SAMD12: variants seen among roughly 807,000 people sequenced by gnomAD.
The protein encoded by SAMD12 is sterile alpha motif domain containing 12.
SAMD12 carries 9 observed loss-of-function variants against 15.0 expected under a neutral mutation model. That is an observed-to-expected ratio of 0.60 (90% CI 0.36 to 1.05). The LOEUF (loss-of-function observed/expected upper bound fraction) is 1.05, where lower values mean the gene tolerates loss of function less well. SAMD12 is among the 50% of genes least tolerant of loss of function. The pLI, the probability that SAMD12 is intolerant of heterozygous loss-of-function variation, is 0.01. For missense variants in SAMD12, 230 were observed against 234.2 expected (o/e 0.98, Z 0.12); for synonymous variants, 86 against 90.1 (o/e 0.96, Z 0.25).
At chr8:118,510,690 T>C (rs148938902) in intron 2 of SAMD12, among the ~76,000 whole-genome samples, 3 of 152,236 alleles carry the variant, frequency 2.0e-5, no homozygotes, top group East Asian at 3.9e-4. Flanking sequence ...TGGTCAGATT[T>C]AGGTATTACA....
At chr8:118,321,351 C>A (rs193231968) in intron 4 of SAMD12, among the ~76,000 whole-genome samples, 1 of 146,464 alleles carries the variant, frequency 6.8e-6, no homozygotes, top group South Asian at 2.2e-4. Flanking sequence ...CAGTAGCTCA[C>A]GCCTGTAATC....
At chr8:118,398,513 C>G (rs753656311) in intron 3 of SAMD12, among the ~76,000 whole-genome samples, 10 of 152,234 alleles carry the variant, frequency 6.6e-5, no homozygotes, top group Non-Finnish European at 1.0e-4. Flanking sequence ...CTTATCTTCT[C>G]CATCCCCTCT....
chr8:118,544,416 G>A (rs937957666), intron 2 of SAMD12, among the ~76,000 whole-genome samples: 1 of 152,082 alleles, frequency 6.6e-6, no homozygotes, highest in African/African-American at 2.4e-5. Flanking sequence ...TGTCTCTAGG[G>A]TTTCAGAGGT....
chr8:118,169,389 T>C, the SAMD12 span, among the ~76,000 whole-genome samples: 1 of 152,210 alleles, frequency 6.6e-6, no homozygotes, highest in Non-Finnish European at 1.5e-5. Context: ...TCTATTATTG[T>C]TTTACCAAGA....
intron 2 of SAMD12, among the ~76,000 whole-genome samples, chr8:118,528,243 G>T (rs1825584432): frequency 6.6e-6 from 1 of 152,102 alleles, no homozygotes; most frequent in African/African-American, 2.4e-5. Context: ...CGTTGGCCAG[G>T]CTGGTCTCTA....
chr8:118,552,311 T>A (rs1008670736), intron 2 of SAMD12, among the ~76,000 whole-genome samples: 50 of 152,118 alleles, frequency 3.3e-4, no homozygotes, highest in African/African-American at 1.1e-3. Context: ...CAGCAGCACA[T>A]CAAAAAGCTT....
chr8:118,263,204 G>A (rs1156528428), intron 4 of SAMD12, among the ~76,000 whole-genome samples: 5 of 152,020 alleles, frequency 3.3e-5, no homozygotes, highest in East Asian at 1.9e-4. Flanking sequence ...TTTAGGCGAC[G>A]GTTGGAAGAC....
At chr8:118,264,944 G>C (rs1227976899) in intron 4 of SAMD12, among the ~76,000 whole-genome samples, 1 of 152,132 alleles carries the variant, frequency 6.6e-6, no homozygotes, top group African/African-American at 2.4e-5. Flanking sequence ...CCTGCGAAGG[G>C]CAGGGCTCAG....
exon 5 of SAMD12, chr8:118,195,979 G>A (rs1156326329): frequency 6.6e-6 from 1 of 152,188 alleles, no homozygotes; most frequent in Non-Finnish European, 1.5e-5. Context: ...GGCAGTCCTG[G>A]TGCTGACCTG....
chr8:118,290,642 C>T (rs1414163594), intron 4 of SAMD12, among the ~76,000 whole-genome samples: 3 of 152,172 alleles, frequency 2.0e-5, no homozygotes, highest in African/African-American at 4.8e-5. Flanking sequence ...ATCCATTGCT[C>T]CCATTCAGGG....
chr8:118,367,917 A>G (rs1332648791), intron 4 of SAMD12, among the ~76,000 whole-genome samples: 1 of 152,188 alleles, frequency 6.6e-6, no homozygotes, highest in African/African-American at 2.4e-5. Context: ...GCCTTAAACA[A>G]AACTCCTTCT....
the SAMD12 span, among the ~76,000 whole-genome samples, chr8:118,150,985 AC>A: frequency 6.6e-6 from 1 of 152,144 alleles, no homozygotes. Flanking sequence ...TGGGGGGATC[AC>A]TTGAGCCCAG....
At chr8:118,373,706 G>T (rs766109448), downstream of SAMD12, among the ~76,000 whole-genome samples, 4 of 152,070 alleles carry the variant, frequency 2.6e-5, no homozygotes, top group Non-Finnish European at 4.4e-5. Context: ...GAATAATTAT[G>T]AAGGCATATG....
chr8:118,580,735 C>T lies in SAMD12; in HGVS notation c.172G>A (p.Ala58Thr), dbSNP rs937731323. Residue 58 changes from alanine (A) to threonine (T), a missense_variant, in exon 2 of 4, where the codon GCA (alanine) becomes ACA (threonine). Ala to Thr is a moderately conservative substitution (Grantham distance 58). Coordinates refer to ENST00000314727, the MANE Select transcript of SAMD12 (RefSeq NM_207506.3). ...CGCACCTTAGCCGTCTCAGCTTCTG[C>T]CTGCAGTCGCTTGGGAGTTCCTTTC... ...DQKGTPKRLQ[A>T]EAETAKSATV... The T allele has an allele frequency of 1.2e-6, 2 of 1,612,742 alleles. No individual in the cohort carries two copies. Among genetic ancestry groups the T allele is most frequent in the Admixed American group, 1.7e-5 (1 of 59,908 alleles).
In SAMD12 at chr8:118,432,169, C is replaced by A. The variant is rs550868714; in HGVS notation, c.322+7663G>T. 3.0e-4 allele frequency among the ~76,000 whole-genome samples: 46 copies of A among 152,288 alleles called. No homozygotes were observed. In the Middle Eastern group the frequency reaches 0.014, roughly 45 times the overall value. ...ATATAGTTTACATTTTGCATTAGTA[C>A]CTTTAACATATTGATCATACTTATT... On this transcript the variant is annotated intron_variant, in intron 3 of 3. Transcript: ENST00000314727.
chr8:118,294,875 T>C (rs923225574), intron 4 of SAMD12, among the ~76,000 whole-genome samples: 73 of 152,136 alleles, frequency 4.8e-4, no homozygotes, highest in African/African-American at 1.6e-3. Context: ...ATTAGGCTCA[T>C]CTAGTTAAGG....
At chr8:118,233,788 C>A (rs1812365695) in intron 4 of SAMD12, among the ~76,000 whole-genome samples, 1 of 152,142 alleles carries the variant, frequency 6.6e-6, no homozygotes, top group Non-Finnish European at 1.5e-5. Context: ...CCACATAGCA[C>A]TTTTATCATT....
At chr8:118,370,522 A>G (rs1819036024) in intron 4 of SAMD12, among the ~76,000 whole-genome samples, 1 of 152,158 alleles carries the variant, frequency 6.6e-6, no homozygotes, top group African/African-American at 2.4e-5. Context: ...CAGCAAAGAG[A>G]TGGAGTCAAC....
At chr8:118,234,326 A>T (rs769776273) in intron 4 of SAMD12, among the ~76,000 whole-genome samples, 1 of 152,066 alleles carries the variant, frequency 6.6e-6, no homozygotes, top group Non-Finnish European at 1.5e-5. Flanking sequence ...GTTTGTCATA[A>T]TATTTATCAT....
Sources: allele counts gnomAD v4.1 joint callset (sites outside exome capture counted in the v4.1 genomes callset), GRCh38; gene constraint gnomAD v4.1.1; transcripts MANE v1.5; gene names NCBI Gene and HGNC (gene_info 2026-07-23, HGNC 2026-07-21).